The following AGBL4 variants were observed in gnomAD, a reference collection of about 807,000 sequenced individuals.
The protein encoded by AGBL4 is AGBL carboxypeptidase 4.
A neutral mutation model predicts 66.4 loss-of-function variants in AGBL4; 58 were observed. That is an observed-to-expected ratio of 0.87 (90% CI 0.71 to 1.09). The LOEUF (loss-of-function observed/expected upper bound fraction) is 1.09, where lower values mean the gene tolerates loss of function less well. AGBL4 is among the 50% of genes least tolerant of loss of function. The pLI is 0.00. For missense variants in AGBL4, 579 were observed against 631.0 expected, an observed-to-expected ratio of 0.92 and a Z score of 0.88; for synonymous variants, 234 against 222.9, an observed-to-expected ratio of 1.05 and a Z score of -0.44.
intron 2 of AGBL4, among the ~76,000 whole-genome samples, chr1:49,787,163 G>A (rs1393969370): frequency 1.3e-5 from 2 of 152,128 alleles, no homozygotes; most frequent in Admixed American, 1.3e-4. Context: ...GAAAAGAGAA[G>A]GGCGGACATA....
At chr1:48,737,759 T>C (rs913131573) in intron 6 of AGBL4, among the ~76,000 whole-genome samples, 9 of 152,126 alleles carry the variant, frequency 5.9e-5, no homozygotes, top group African/African-American at 2.2e-4. Context: ...AAAATTTAGA[T>C]CTCACAAGTC....
At chr1:49,507,133 G>T (rs1648763896) in intron 3 of AGBL4, among the ~76,000 whole-genome samples, 1 of 152,006 alleles carries the variant, frequency 6.6e-6, no homozygotes, top group Non-Finnish European at 1.5e-5. Flanking sequence ...CTGCTAGAGA[G>T]ATCATATAGA....
intron 4 of AGBL4, among the ~76,000 whole-genome samples, chr1:49,147,796 G>A (rs1017435828): frequency 1.3e-5 from 2 of 152,054 alleles, no homozygotes; most frequent in Admixed American, 1.3e-4. Context: ...GAGCCTATAG[G>A]CTTGAAGGAT....
intron 3 of AGBL4, among the ~76,000 whole-genome samples, chr1:49,560,422 A>T (rs961398816): frequency 5.9e-5 from 9 of 152,206 alleles, no homozygotes; most frequent in South Asian, 2.1e-4. Context: ...TTTAAAATAC[A>T]CAGAGTATTA....
intron 3 of AGBL4, among the ~76,000 whole-genome samples, chr1:49,592,767 A>G (rs551446569): frequency 6.6e-6 from 1 of 152,322 alleles, no homozygotes; most frequent in Non-Finnish European, 1.5e-5. Context: ...TGGAGAAAGA[A>G]AATGCATATA....
chr1:48,747,975 G>A (rs4926751), intron 6 of AGBL4, among the ~76,000 whole-genome samples: 149,928 of 152,270 alleles, frequency 0.98, 73,845 homozygotes, highest in East Asian at 1. Context: ...TCTGTAAGTA[G>A]ATAGGAAGTT....
intron 1 of AGBL4, among the ~76,000 whole-genome samples, chr1:49,983,307 G>C (rs190774924): frequency 2.6e-5 from 4 of 152,352 alleles, no homozygotes; most frequent in African/African-American, 9.6e-5. Context: ...GGGCACCAAT[G>C]CATTCTCCAG....
chr1:48,667,449 G>C (rs1055839954), intron 6 of AGBL4, among the ~76,000 whole-genome samples: 1 of 152,196 alleles, frequency 6.6e-6, no homozygotes, highest in South Asian at 2.1e-4. Context: ...TTTGGAAGAG[G>C]ATCCTGCAGT....
intron 5 of AGBL4, among the ~76,000 whole-genome samples, chr1:48,877,147 C>T (rs899874719): frequency 3.9e-5 from 6 of 152,128 alleles, no homozygotes; most frequent in South Asian, 2.1e-4. Context: ...GTAGGGTGGA[C>T]GAAGCAGATT....
Position 49,151,370 on chromosome 1 carries a change from T to C in AGBL4, c.377+94400A>G, listed in dbSNP as rs191256247. 5.7e-4 allele frequency among the ~76,000 whole-genome samples: 86 copies of C among 151,618 alleles called. No individual in the cohort carries two copies. The Middle Eastern group carries it at 0.01, about 18-fold the overall frequency. ...TTCAGGGAAGTTTTTGTCACCATTA[T>C]TTGTTTAAGTTTTCCAATGATAGTT... is the stretch of plus-strand genomic sequence containing the variant. On this transcript the variant is annotated intron_variant, in intron 4 of 13. Coordinates refer to ENST00000371839, the MANE Select transcript of AGBL4 (RefSeq NM_032785.4).
chr1:49,142,698 A>G (rs990069192), intron 4 of AGBL4, among the ~76,000 whole-genome samples: 1 of 152,196 alleles, frequency 6.6e-6, no homozygotes, highest in Non-Finnish European at 1.5e-5. Flanking sequence ...AAAACTTTGT[A>G]TTACAGATGC....
intron 6 of AGBL4, among the ~76,000 whole-genome samples, chr1:48,807,243 C>A (rs1325518681): frequency 6.6e-6 from 1 of 152,208 alleles, no homozygotes; most frequent in African/African-American, 2.4e-5. Flanking sequence ...ATGGATTCAT[C>A]TCTGTGCCTC....
chr1:48,727,044 T>C (rs902189741), intron 6 of AGBL4, among the ~76,000 whole-genome samples: 3 of 152,228 alleles, frequency 2.0e-5, no homozygotes, highest in Admixed American at 2.0e-4. Flanking sequence ...CAGGAAGTTC[T>C]AATGTGGTTT....
intron 3 of AGBL4, among the ~76,000 whole-genome samples, chr1:49,648,986 C>T (rs933859464): frequency 6.6e-6 from 1 of 151,976 alleles, no homozygotes; most frequent in Admixed American, 6.6e-5. Flanking sequence ...ATAATACTAG[C>T]AAAAATATAT....
intron 3 of AGBL4, among the ~76,000 whole-genome samples, chr1:49,477,770 G>A (rs113844254): frequency 0.024 from 3,636 of 151,952 alleles, 122 homozygotes; most frequent in African/African-American, 0.083. Context: ...TTCAGACAGA[G>A]AATTCAAAAT....
chr1:49,665,788 G>A (rs895690107), intron 3 of AGBL4, among the ~76,000 whole-genome samples: 1 of 151,772 alleles, frequency 6.6e-6, no homozygotes, highest in Admixed American at 6.6e-5. Context: ...AAAACCCAAT[G>A]ACAGTTTTTA....
intron 6 of AGBL4, among the ~76,000 whole-genome samples, chr1:48,784,754 G>C (rs749405447): frequency 3.3e-5 from 5 of 152,076 alleles, no homozygotes; most frequent in African/African-American, 1.2e-4. Flanking sequence ...AGCTCATGTG[G>C]GTCACAAATG....
chr1:49,616,586 C>A (rs1645253875), intron 3 of AGBL4, among the ~76,000 whole-genome samples: 1 of 152,134 alleles, frequency 6.6e-6, no homozygotes, highest in Non-Finnish European at 1.5e-5. Context: ...ATTTATAACT[C>A]AGCTCAAATG....
intron 3 of AGBL4, among the ~76,000 whole-genome samples, chr1:49,478,803 T>C (rs1570816411): frequency 1.3e-5 from 2 of 152,028 alleles, no homozygotes; most frequent in Admixed American, 1.3e-4. Context: ...GACGATGCAA[T>C]AAGACATAAA....
Sources: allele counts gnomAD v4.1 joint callset (sites outside exome capture counted in the v4.1 genomes callset), GRCh38; gene constraint gnomAD v4.1.1; transcripts MANE v1.5; gene names NCBI Gene and HGNC (gene_info 2026-07-23, HGNC 2026-07-21).